The following FBXO43 variants were observed in gnomAD, a reference collection of about 807,000 sequenced individuals.
FBXO43 encodes F-box only protein 43.
In FBXO43, 22 loss-of-function variants were observed where a neutral mutation model predicts 56.7. That is an observed-to-expected ratio of 0.39 (90% CI 0.28 to 0.55). The LOEUF (loss-of-function observed/expected upper bound fraction) is 0.55. Among genes scored for constraint, FBXO43 ranks in the 20% least tolerant of loss-of-function variants. The probability of loss-of-function intolerance (pLI) is 0.66; values close to 1 mark genes in which losing one functional copy is unlikely to be tolerated. For missense variants in FBXO43, 733 were observed against 814.9 expected, an observed-to-expected ratio of 0.90 and a Z score of 1.22; for synonymous variants, 306 against 294.5, an observed-to-expected ratio of 1.04 and a Z score of -0.40.
chr8:100,149,294 T>G (rs1217911605), upstream of FBXO43, among the ~76,000 whole-genome samples: 1 of 152,224 alleles, frequency 6.6e-6, no homozygotes, highest in Non-Finnish European at 1.5e-5. Context: ...CTCCATAAAT[T>G]GTTCTGCACG....
At chr8:100,150,368 C>T (rs188294095), upstream of FBXO43, among the ~76,000 whole-genome samples, 2 of 152,336 alleles carry the variant, frequency 1.3e-5, no homozygotes, top group African/African-American at 4.8e-5. Flanking sequence ...TAACCCTCTA[C>T]CCTTCTGGAA....
At chr8:100,149,919 C>A (rs1314207130), upstream of FBXO43, among the ~76,000 whole-genome samples, 1 of 152,188 alleles carries the variant, frequency 6.6e-6, no homozygotes, top group East Asian at 1.9e-4. Flanking sequence ...CTGAACCCAA[C>A]TGATCCATCA....
intron 2 of FBXO43, among the ~76,000 whole-genome samples, chr8:100,139,278 C>T (rs916010076): frequency 1.6e-4 from 25 of 151,748 alleles, no homozygotes; most frequent in Non-Finnish European, 1.5e-5. Context: ...AGAAGGGCTT[C>T]GATAGAAGTA....
chr8:100,141,367 T>A lies in FBXO43; in HGVS notation c.887A>T (p.Glu296Val). The A allele has an allele frequency of 6.2e-7, 1 of 1,613,464 alleles. No individual in the cohort carries two copies. Among genetic ancestry groups the A allele is most frequent in the Non-Finnish European group, 8.5e-7 (1 of 1,180,014 alleles). The part of the protein sequence containing the change: ...SVSGTTCGTD[E>V]DIFVTPISNL... ...ACTTATCGGAGTCACAAATATGTCC[T>A]CATCTGTTCCACAAGTTGTTCCACT... Residue 296 changes from glutamate (E) to valine (V), a missense_variant, in exon 2 of 5, where the codon GAG becomes GTG. Transcript: ENST00000428847.
At position 100,133,770 on chromosome 8, in the gene FBXO43, C is replaced by A. The variant is rs765842577; in HGVS notation, c.*32G>T. On this transcript the variant is annotated 3_prime_UTR_variant, in exon 5 of 5. Transcript: ENST00000428847. ...ATAATTTTAAGTCAGATAAATAGAACACTGCATGGGGGAGTTCTATATTTA... is the reference window on the plus strand; with the variant it reads ...ATAATTTTAAGTCAGATAAATAGAAAACTGCATGGGGGAGTTCTATATTTA... The A allele has an allele frequency of 1.9e-6, 3 of 1,569,116 alleles. No individual in the cohort carries two copies. The African/African-American group carries it at 4.1e-5, about 22-fold the overall frequency.
intron 3 of FBXO43, among the ~76,000 whole-genome samples, chr8:100,134,609 A>G (rs913684846): frequency 5.9e-5 from 9 of 152,258 alleles, no homozygotes; most frequent in South Asian, 2.1e-4. Flanking sequence ...CTAAGTTTGT[A>G]TGGCTGGTTA....
chr8:100,134,527 C>G (rs1814410659), intron 3 of FBXO43, among the ~76,000 whole-genome samples, 163 bp from the exon 4 acceptor site: 1 of 151,856 alleles, frequency 6.6e-6, no homozygotes, highest in South Asian at 2.1e-4. Flanking sequence ...AACAAAAAAC[C>G]AACCTTTTCT....
chr8:100,134,246 G>T lies in FBXO43; in HGVS notation c.1793C>A (p.Thr598Lys). The part of the protein sequence containing the change: ...IPGSQREQGS[T>K]LSPWGEVLTP... The stretch of plus-strand genomic sequence containing the variant: ...CAAAACTTCTCCCCAGGGAGATAAT[G>T]TTGACCCTTGCTCTCTCTGAGAACC... The change falls in exon 4 of 5, where the codon ACA becomes AAA. Residue 598 changes from threonine to lysine, a missense_variant. Transcript: ENST00000428847. 3 of 1,614,142 alleles carry T rather than the reference G, an allele frequency of 1.9e-6. No individual in the cohort carries two copies. The highest frequency in any genetic ancestry group is 2.5e-6 in the Non-Finnish European group (3 of 1,180,018).
Position 100,133,741 on chromosome 8 carries a change from A to T in FBXO43, c.*61T>A. On this transcript the variant is annotated 3_prime_UTR_variant, in exon 5 of 5. Coordinates refer to ENST00000428847, the MANE Select transcript of FBXO43 (RefSeq NM_001029860.4). Reference sequence around the variant, plus strand: ...GGGAAGATTTGCATGTATTCAAAATATTCATAATTTTAAGTCAGATAAATA... The same window carrying T: ...GGGAAGATTTGCATGTATTCAAAATTTTCATAATTTTAAGTCAGATAAATA... The T allele has an allele frequency of 1.3e-6, 2 of 1,498,068 alleles. No individual in the cohort carries two copies. Among genetic ancestry groups the T allele is most frequent in the Non-Finnish European group, 1.8e-6 (2 of 1,114,274 alleles). 92.8% of individuals were successfully genotyped at this position (1,498,068 alleles called of 1,614,324 possible). A position where few individuals can be genotyped will look rare whatever the true frequency, so the allele number is the denominator to read the frequency against.
At position 100,141,548 on chromosome 8, in the gene FBXO43, C is replaced by T; in HGVS notation, c.706G>A (p.Asp236Asn). The T allele has an allele frequency of 6.2e-7, 1 of 1,611,720 alleles. No homozygotes were observed. The highest frequency in any genetic ancestry group is 8.5e-7 in the Non-Finnish European group (1 of 1,180,014). Residue 236 changes from aspartate to asparagine, a missense_variant, in exon 2 of 5, where the codon GAT becomes AAT. Coordinates refer to ENST00000428847, the MANE Select transcript of FBXO43 (RefSeq NM_001029860.4). ...NFSQQKTSTIDDSKDDCSLFE... is the reference protein window; with the variant it reads ...NFSQQKTSTINDSKDDCSLFE... ...AGGCTACAATCATCTTTGGAATCAT[C>T]AATTGTGGAAGTCTTTTGCTGAGAA...
intron 3 of FBXO43, among the ~76,000 whole-genome samples, chr8:100,136,573 A>G (rs569567369): frequency 2.0e-5 from 3 of 152,320 alleles, no homozygotes; most frequent in Admixed American, 2.0e-4. Flanking sequence ...CAGAATTCAA[A>G]TCCTCAAGGG....
chr8:100,133,632 T>C lies in FBXO43; in HGVS notation c.*170A>G. On this transcript the variant is annotated 3_prime_UTR_variant, in exon 5 of 5. Coordinates refer to ENST00000428847, the MANE Select transcript of FBXO43 (RefSeq NM_001029860.4). ...AAATGACATAGTAAAATAAAATTTT[T>C]TCAAAACAACTTTAAAGAAAACATA... 1 of 749,912 alleles carries C rather than the reference T, an allele frequency of 1.3e-6. No individual in the cohort carries two copies. Among genetic ancestry groups the C allele is most frequent in the Non-Finnish European group, 1.9e-6 (1 of 516,882 alleles). 46.5% of individuals were successfully genotyped at this position (749,912 alleles called of 1,614,324 possible).
chr8:100,146,903 C>T (rs934868319), upstream of FBXO43, among the ~76,000 whole-genome samples: 1 of 152,106 alleles, frequency 6.6e-6, no homozygotes, highest in Non-Finnish European at 1.5e-5. Flanking sequence ...GCTGGAGTGC[C>T]GTGGTGCAAT....
Position 100,133,682 on chromosome 8 carries a change from C to T in FBXO43, c.*120G>A. ...ACAATGACATCGATTATAATATATA[C>T]AAAATAGGAAATTAATCATCACCTG... On this transcript the variant is annotated 3_prime_UTR_variant, in exon 5 of 5. Coordinates refer to ENST00000428847, the MANE Select transcript of FBXO43 (RefSeq NM_001029860.4). The T allele has an allele frequency of 8.4e-7, 1 of 1,193,274 alleles. No individual in the cohort carries two copies. The allele number at this position is 1,193,274 out of a possible 1,614,324, so 73.9% of individuals were successfully genotyped here.
upstream of FBXO43, among the ~76,000 whole-genome samples, chr8:100,145,954 C>G (rs1218086735): frequency 1.3e-5 from 2 of 152,254 alleles, no homozygotes; most frequent in East Asian, 3.9e-4. Context: ...GGAGCGCCCC[C>G]TCTCTCGCTC....
upstream of FBXO43, among the ~76,000 whole-genome samples, chr8:100,146,482 T>A (rs2132151422): frequency 6.6e-6 from 1 of 152,306 alleles, no homozygotes; most frequent in Non-Finnish European, 1.5e-5. Flanking sequence ...GTGAAATGTG[T>A]TCATTGTTTA....
In FBXO43 at chr8:100,141,536, C is replaced by A; in HGVS notation, c.718G>T (p.Asp240Tyr). The A allele has an allele frequency of 1.9e-6, 3 of 1,612,006 alleles. No individual in the cohort carries two copies. Among genetic ancestry groups the A allele is most frequent in the Non-Finnish European group, 2.5e-6 (3 of 1,180,016 alleles). ...QKTSTIDDSK[D>Y]DCSLFEVECI... ...TCAACTTCAAATAGGCTACAATCAT[C>A]TTTGGAATCATCAATTGTGGAAGTC... The change falls in exon 2 of 5, where the codon GAT becomes TAT. Residue 240 changes from aspartate (D) to tyrosine (Y), a missense_variant. Physicochemically the swap from Asp to Tyr is radical, Grantham distance 160 (BLOSUM62 -3). Coordinates refer to ENST00000428847, the MANE Select transcript of FBXO43 (RefSeq NM_001029860.4).
In FBXO43 at chr8:100,141,622, A is replaced by G; in HGVS notation, c.632T>C (p.Leu211Ser). Residue 211 changes from leucine (L) to serine (S), a missense_variant, in exon 2 of 5, where the codon TTA (leucine) becomes TCA (serine). Transcript: ENST00000428847. ...GCATGAAGTCACTTCTTCTGTTTTT[A>G]AAGTGCTAGTAACTAAAGGGCTAAA... Reference protein sequence around the residue: ...NNFSPLVTSTLKTEEVTSCSQ... With the variant: ...NNFSPLVTSTSKTEEVTSCSQ... The G allele has an allele frequency of 6.2e-7, 1 of 1,613,138 alleles. No homozygotes were observed. The highest frequency in any genetic ancestry group is 8.5e-7 in the Non-Finnish European group (1 of 1,179,916).
In FBXO43 at chr8:100,140,991, C is replaced by A. The variant is rs773858455; in HGVS notation, c.1263G>T (p.Gln421His). 6 of 1,614,250 alleles carry A rather than the reference C, an allele frequency of 3.7e-6. No individual in the cohort carries two copies. Among genetic ancestry groups the A allele is most frequent in the Middle Eastern group, 1.6e-4 (1 of 6,062 alleles). ...AAAASAISEGQLSSDESGDLT... is the reference protein window; with the variant it reads ...AAAASAISEGHLSSDESGDLT... ...AATCCCCACTCTCATCACTACTCAGCTGACCCTCTGAGATGGCAGAAGCAG... is the reference window on the plus strand; with the variant it reads ...AATCCCCACTCTCATCACTACTCAGATGACCCTCTGAGATGGCAGAAGCAG... The change falls in exon 2 of 5, where the codon CAG becomes CAT. Residue 421 changes from glutamine (Q) to histidine (H), a missense_variant. Physicochemically the swap from Gln to His is conservative, Grantham distance 24. Coordinates refer to ENST00000428847, the MANE Select transcript of FBXO43 (RefSeq NM_001029860.4).
Sources: allele counts gnomAD v4.1 joint callset (sites outside exome capture counted in the v4.1 genomes callset), GRCh38; gene constraint gnomAD v4.1.1; transcripts MANE v1.5; gene names NCBI Gene and HGNC (gene_info 2026-07-23, HGNC 2026-07-21).